GLB1L3: variants seen among roughly 807,000 people sequenced by gnomAD.
GLB1L3 encodes the protein beta-galactosidase-1-like protein 3.
Under a neutral mutation model 89.5 loss-of-function variants are expected in GLB1L3, and 89 were observed. That is an observed-to-expected ratio of 0.99 (90% CI 0.84 to 1.19). GLB1L3 has a LOEUF of 1.19. Among genes scored for constraint, GLB1L3 ranks in the 50% most tolerant of loss-of-function variants. The pLI is 0.00. For synonymous variants in GLB1L3, 314 were observed against 312.3 expected, an observed-to-expected ratio of 1.01 and a Z score of -0.06; for missense variants, 812 against 813.3, an observed-to-expected ratio of 1.00 and a Z score of 0.02.
intron 9 of GLB1L3, among the ~76,000 whole-genome samples, chr11:134,298,384 T>A (rs1319648883): frequency 6.6e-6 from 1 of 152,140 alleles, no homozygotes; most frequent in Admixed American, 6.5e-5. Flanking sequence ...AAAGACCAAT[T>A]TCCCTTATGA....
chr11:134,310,861 C>A (rs1419768646), intron 12 of GLB1L3: 2 of 618,844 alleles, frequency 3.2e-6, no homozygotes, highest in African/African-American at 1.8e-5. Flanking sequence ...GCCTCAGTTT[C>A]TTCACTGAAG....
At chr11:134,295,424 C>T (rs1941578676) in intron 9 of GLB1L3, among the ~76,000 whole-genome samples, 1 of 152,072 alleles carries the variant, frequency 6.6e-6, no homozygotes. Context: ...TTGTGATAAT[C>T]CCTTGTTATC....
chr11:134,285,403 A>G (rs939987052), intron 6 of GLB1L3, among the ~76,000 whole-genome samples: 6 of 152,194 alleles, frequency 3.9e-5, no homozygotes, highest in East Asian at 1.9e-4. Context: ...TTTAAACAAC[A>G]TAACTCTTCC....
chr11:134,279,645 T>C (rs1260209887), intron 3 of GLB1L3, among the ~76,000 whole-genome samples: 3 of 152,154 alleles, frequency 2.0e-5, no homozygotes, highest in Non-Finnish European at 4.4e-5. Context: ...GGATTACAGA[T>C]GTGAGCCACC....
At chr11:134,296,559 G>A (rs1272760809) in intron 9 of GLB1L3, among the ~76,000 whole-genome samples, 5 of 145,738 alleles carry the variant, frequency 3.4e-5, no homozygotes, top group Non-Finnish European at 7.5e-5. Context: ...GGATGAAATT[G>A]GAAATCATCA....
intron 9 of GLB1L3, among the ~76,000 whole-genome samples, chr11:134,297,227 C>T (rs1431926843): frequency 1.3e-5 from 2 of 152,114 alleles, no homozygotes; most frequent in African/African-American, 2.4e-5. Flanking sequence ...ACCTGCATGG[C>T]ATATCTTTAT....
intron 9 of GLB1L3, 97 bp from the exon 10 acceptor site, chr11:134,307,027 G>A (rs920800296): frequency 6.5e-6 from 5 of 771,386 alleles, no homozygotes; most frequent in African/African-American, 1.8e-5. Context: ...AAGGAGAAAC[G>A]CATGAGTTCC....
At chr11:134,298,483 G>C (rs1214043207) in intron 9 of GLB1L3, among the ~76,000 whole-genome samples, 1 of 152,136 alleles carries the variant, frequency 6.6e-6, no homozygotes, top group African/African-American at 2.4e-5. Context: ...TGGTTTGGCT[G>C]TGTCTCCACC....
At chr11:134,319,632 G>C (rs1485897406), downstream of GLB1L3, 2 of 151,706 alleles carry the variant, frequency 1.3e-5, no homozygotes, top group African/African-American at 4.8e-5. Context: ...TAAGGATACT[G>C]ATTTCCTCAT....
chr11:134,290,997 C>G (rs1051523797), intron 7 of GLB1L3, among the ~76,000 whole-genome samples: 1 of 152,088 alleles, frequency 6.6e-6, no homozygotes, highest in Non-Finnish European at 1.5e-5. Flanking sequence ...AGGGTCATTC[C>G]CCACAAAAGT....
intron 9 of GLB1L3, among the ~76,000 whole-genome samples, chr11:134,299,535 C>G (rs1486884611): frequency 6.6e-6 from 1 of 152,040 alleles, no homozygotes; most frequent in African/African-American, 2.4e-5. Flanking sequence ...TCATGGGCTT[C>G]AAATGTTTCT....
intron 6 of GLB1L3, among the ~76,000 whole-genome samples, chr11:134,285,950 C>T (rs980114184): frequency 6.7e-6 from 1 of 149,828 alleles, no homozygotes; most frequent in African/African-American, 2.5e-5. Context: ...ACTCTGTTGC[C>T]CAGGCTGGAG....
chr11:134,297,192 C>T (rs905925748), intron 9 of GLB1L3, among the ~76,000 whole-genome samples: 1 of 152,114 alleles, frequency 6.6e-6, no homozygotes, highest in Non-Finnish European at 1.5e-5. Flanking sequence ...ATAAATATAG[C>T]AACTGTAGCT....
intron 10 of GLB1L3, among the ~76,000 whole-genome samples, chr11:134,308,556 T>TGTCCAC (rs1942511610): frequency 5.2e-5 from 3 of 57,518 alleles, no homozygotes; most frequent in Non-Finnish European, 9.3e-5. Flanking sequence ...ACCATCACCA[T>TGTCCAC]CACCACCACC....
At chr11:134,308,869 C>G (rs962370816) in intron 10 of GLB1L3, among the ~76,000 whole-genome samples, 5 of 152,208 alleles carry the variant, frequency 3.3e-5, no homozygotes, top group Non-Finnish European at 7.3e-5. Flanking sequence ...CCAGGTCATA[C>G]AAATAGTAAC....
intron 14 of GLB1L3, 21 bp downstream of exon 14, chr11:134,312,510 G>C (rs370507742): frequency 2.1e-5 from 34 of 1,607,458 alleles, no homozygotes; most frequent in Non-Finnish European, 2.5e-5. Context: ...CAGGCTGTCT[G>C]TGTGGGAAGC....
At chr11:134,277,224 C>T (rs1266532400) in intron 1 of GLB1L3, 102 bp from the exon 2 acceptor site, 2 of 1,500,628 alleles carry the variant, frequency 1.3e-6, no homozygotes, top group Admixed American at 1.7e-5. Context: ...GGCCCCCTCC[C>T]TGGCTCTGGC....
At position 134,319,148 on chromosome 11, in the gene GLB1L3, G is replaced by T; in HGVS notation, c.*206G>T. ...TTTTTGTATTTTTAGTAGAGATGGG[G>T]TTTCACCAAGTTAGCCAGGATGGTC... is the stretch of plus-strand genomic sequence containing the variant. On this transcript the variant is annotated 3_prime_UTR_variant, in exon 20 of 20. Transcript: ENST00000431683. 2.0e-6 allele frequency: 1 copy of T among 508,864 alleles called. No homozygotes were observed. The allele number at this position is 508,864 out of a possible 1,614,324, so 31.5% of individuals were successfully genotyped here.
In GLB1L3 at chr11:134,314,402, G is replaced by T. The variant is rs1185690506; in HGVS notation, c.1740G>T (p.Lys580Asn). ...CGGCCTTCTACTGTGGGACCTTGAA[G>T]GCTGGCCCTTCTCCCAAGGACACCT... is the stretch of plus-strand genomic sequence containing the variant. Reference protein sequence around the residue: ...QGPAFYCGTLKAGPSPKDTFL... With the variant: ...QGPAFYCGTLNAGPSPKDTFL... The change falls in exon 18 of 20, where the codon AAG becomes AAT. Residue 580 changes from lysine to asparagine, a missense_variant. Transcript: ENST00000431683. The T allele has an allele frequency of 1.9e-6, 3 of 1,551,698 alleles. No homozygotes were observed. Among genetic ancestry groups the T allele is most frequent in the Non-Finnish European group, 2.6e-6 (3 of 1,146,988 alleles).
Sources: allele counts gnomAD v4.1 joint callset (sites outside exome capture counted in the v4.1 genomes callset), GRCh38; gene constraint gnomAD v4.1.1; transcripts MANE v1.5; gene names NCBI Gene and HGNC (gene_info 2026-07-23, HGNC 2026-07-21).